CRACD: variants seen among roughly 807,000 people sequenced by gnomAD.
The protein encoded by CRACD is capping protein-inhibiting regulator of actin dynamics.
Under a neutral mutation model 106.8 loss-of-function variants are expected in CRACD, and 56 were observed. The ratio of observed to expected loss-of-function variants is 0.52; its 90% CI spans 0.42 to 0.66. CRACD has a LOEUF of 0.66. Among genes scored for constraint, CRACD ranks in the 30% least tolerant of loss-of-function variants. The pLI is 0.00. For synonymous variants in CRACD, 754 were observed against 670.8 expected (o/e 1.12, Z -1.92); for missense variants, 1,730 against 1,623.2 (o/e 1.07, Z -1.13).
In CRACD at chr4:56,313,371, C is replaced by G; in HGVS notation, c.529C>G (p.Leu177Val). 1 of 1,613,524 alleles carries G rather than the reference C, an allele frequency of 6.2e-7. No homozygotes were observed. Among genetic ancestry groups the G allele is most frequent in the East Asian group, 2.2e-5 (1 of 44,872 alleles). ...GAGGGTGTCAAAGAAGCACAGGCGC[C>G]TTGCCCAGGTGTGTAGAGCCTGCAC... ...KQRVSKKHRR[L>V]AQDPQHEQGG... is the part of the protein sequence containing the mutation. The change falls in exon 7 of 11, where the codon CTT becomes GTT. Residue 177 changes from leucine (L) to valine (V), a missense_variant. Coordinates refer to ENST00000682029, the MANE Select transcript of CRACD (RefSeq NM_001393381.1).
chr4:56,188,026 G>A (rs1218086436), intron 2 of CRACD, among the ~76,000 whole-genome samples: 1 of 152,102 alleles, frequency 6.6e-6, no homozygotes, highest in Non-Finnish European at 1.5e-5. Context: ...GATGAAGAAG[G>A]CTATCCTATG....
intron 1 of CRACD, among the ~76,000 whole-genome samples, chr4:56,096,790 G>A (rs1209828621): frequency 6.6e-6 from 1 of 152,164 alleles, no homozygotes; most frequent in Non-Finnish European, 1.5e-5. Flanking sequence ...GTGACAGATG[G>A]CCTGGAATTA....
At chr4:56,321,831 C>T (rs1373318424) in intron 8 of CRACD, among the ~76,000 whole-genome samples, 1 of 152,140 alleles carries the variant, frequency 6.6e-6, no homozygotes, top group Non-Finnish European at 1.5e-5. Flanking sequence ...GCCCCAGGCT[C>T]ATTATAAATA....
At chr4:56,289,702 A>C (rs987209128) in intron 3 of CRACD, among the ~76,000 whole-genome samples, 1 of 152,032 alleles carries the variant, frequency 6.6e-6, no homozygotes, top group Non-Finnish European at 1.5e-5. Context: ...AAAAAAAAAA[A>C]AACAAAGTAA....
chr4:56,203,869 C>T (rs1256611950), intron 2 of CRACD, among the ~76,000 whole-genome samples: 1 of 152,188 alleles, frequency 6.6e-6, no homozygotes, highest in Non-Finnish European at 1.5e-5. Flanking sequence ...GTTTTCTTTG[C>T]TGAGTTCATC....
At chr4:56,095,478 A>G (rs1344868724) in intron 1 of CRACD, among the ~76,000 whole-genome samples, 1 of 152,178 alleles carries the variant, frequency 6.6e-6, no homozygotes, top group Admixed American at 6.5e-5. Flanking sequence ...TCAGAAGGTA[A>G]CATCTGAGCA....
intron 2 of CRACD, among the ~76,000 whole-genome samples, chr4:56,185,107 C>A (rs1212673883): frequency 6.6e-6 from 1 of 152,160 alleles, no homozygotes; most frequent in Non-Finnish European, 1.5e-5. Context: ...CAGGCGCCCA[C>A]CACCACGCCC....
chr4:56,188,735 G>GAGAGAGAGAGA (rs60242539), intron 2 of CRACD, among the ~76,000 whole-genome samples: 2 of 148,166 alleles, frequency 1.3e-5, no homozygotes, highest in South Asian at 2.2e-4. Context: ...GAGAGAGAGA[G>GAGAGAGAGAGA]GGGTTAACAT....
chr4:56,075,603 G>A (rs34683632), intron 1 of CRACD, among the ~76,000 whole-genome samples: 51,250 of 151,518 alleles, frequency 0.34, 8,955 homozygotes, highest in African/African-American at 0.43. Context: ...ATTAGCAATC[G>A]CTCCTGGTTA....
intron 2 of CRACD, among the ~76,000 whole-genome samples, chr4:56,234,250 A>G (rs1021278544): frequency 6.6e-6 from 1 of 151,964 alleles, no homozygotes. Flanking sequence ...ATCACTCCCC[A>G]TTCCTCCCCT....
At chr4:56,251,036 G>A (rs1031561746) in intron 2 of CRACD, among the ~76,000 whole-genome samples, 6 of 152,148 alleles carry the variant, frequency 3.9e-5, no homozygotes, top group Non-Finnish European at 8.8e-5. Context: ...ATGTATGAAG[G>A]AGCGCAATAT....
Position 56,314,858 on chromosome 4 carries a change from G to A in CRACD, c.1356G>A (p.Glu452=), listed in dbSNP as rs375804570. The part of the protein sequence containing the change: ...REHSEEPGIC[E]EQNPEAERRR... ...ACTCCGAGGAGCCAGGTATTTGCGA[G>A]GAGCAGAACCCAGAGGCCGAGCGGC... The change falls in exon 8 of 11, where the codon GAG becomes GAA. Residue 452 remains glutamate (E), a synonymous_variant. Transcript: ENST00000682029. This position sits in a 1 kb window ranked among gnomAD's most constrained non-coding sequence, Gnocchi z 4.4. 37 of 1,612,000 alleles carry A rather than the reference G, an allele frequency of 2.3e-5. No homozygotes were observed. The African/African-American group carries it at 4.5e-4, about 20-fold the overall frequency.
intron 3 of CRACD, among the ~76,000 whole-genome samples, chr4:56,287,326 A>C (rs1460612389): frequency 1.3e-5 from 2 of 151,314 alleles, no homozygotes; most frequent in African/African-American, 4.9e-5. Flanking sequence ...TCTGTCACCC[A>C]GGCTGGAGTG....
At chr4:56,228,053 G>C (rs1352570186) in intron 2 of CRACD, among the ~76,000 whole-genome samples, 2 of 152,086 alleles carry the variant, frequency 1.3e-5, no homozygotes, top group African/African-American at 4.8e-5. Flanking sequence ...CCCAATTTCA[G>C]GTCCTAGGCC....
At chr4:56,264,793 A>G (rs1408631542) in intron 2 of CRACD, among the ~76,000 whole-genome samples, 1 of 152,216 alleles carries the variant, frequency 6.6e-6, no homozygotes, top group Non-Finnish European at 1.5e-5. Flanking sequence ...GGCATAAGAA[A>G]TTATAAAAGT....
intron 2 of CRACD, among the ~76,000 whole-genome samples, chr4:56,203,017 G>A (rs1178743563): frequency 1.3e-5 from 2 of 152,200 alleles, no homozygotes; most frequent in Non-Finnish European, 2.9e-5. Context: ...GAAATTTCCT[G>A]AATGATTCTT....
chr4:56,287,802 G>A (rs1329358178), intron 3 of CRACD, among the ~76,000 whole-genome samples: 1 of 152,090 alleles, frequency 6.6e-6, no homozygotes, highest in African/African-American at 2.4e-5. Flanking sequence ...AAGAGGAGGT[G>A]GAGTAAAGGA....
intron 3 of CRACD, among the ~76,000 whole-genome samples, chr4:56,274,319 T>C (rs996135429): frequency 6.6e-6 from 1 of 152,144 alleles, no homozygotes; most frequent in African/African-American, 2.4e-5. Context: ...TGAGAGTAAG[T>C]GGCAGTTTAA....
At chr4:56,201,827 A>G (rs1454435584) in intron 2 of CRACD, among the ~76,000 whole-genome samples, 1 of 152,224 alleles carries the variant, frequency 6.6e-6, no homozygotes, top group African/African-American at 2.4e-5. Context: ...GCATGTATTA[A>G]GATTCAACAT....
Sources: gnomAD v4.1 joint callset for allele counts (sites outside exome capture counted in the v4.1 genomes callset) on GRCh38, gnomAD v4.1.1 for gene constraint, Gnocchi (gnomAD v3.1) non-coding constraint, MANE v1.5 for transcripts, NCBI Gene and HGNC (gene_info 2026-07-23, HGNC 2026-07-21) for gene names.